Variants in RNF213 observed in about 807,000 individuals in gnomAD.
RNF213 encodes the protein ring finger protein 213.
In RNF213, 341 loss-of-function variants were observed where a neutral mutation model predicts 514.4. That is an observed-to-expected ratio of 0.66 (90% CI 0.61 to 0.73). The LOEUF (loss-of-function observed/expected upper bound fraction) is 0.73, where lower values mean the gene tolerates loss of function less well. RNF213 is among the 30% of genes least tolerant of loss of function. The pLI, the probability that RNF213 is intolerant of heterozygous loss-of-function variation, is 0.00. For missense variants in RNF213, 5,767 were observed against 6,615.6 expected (o/e 0.87, Z 4.45); for synonymous variants, 2,655 against 2,658.2 (o/e 1.00, Z 0.04).
rs189590003 is a variant in RNF213, at chr17:80,293,063, A to T, written c.1471+1236A>T. Among the ~76,000 whole-genome samples, 649 of 151,966 alleles carry T rather than the reference A, an allele frequency of 4.3e-3. 6 individuals are homozygous for T. The highest frequency in any genetic ancestry group is 0.014 in the African/African-American group (572 of 41,404). On this transcript the variant is annotated intron_variant, in intron 8 of 67. Transcript: ENST00000582970. ...TTTTCGTTTTTGTAAACATATATAT[A>T]TATTTTTTTTCTGAGACAGGATCTC... is the stretch of plus-strand genomic sequence containing the variant.
At chr17:80,375,935 A>C (rs956184664) in intron 51 of RNF213, 65 bp downstream of exon 51, 2 of 1,181,690 alleles carry the variant, frequency 1.7e-6, no homozygotes, top group Non-Finnish European at 2.5e-6. Context: ...ATTGAATAGA[A>C]TGAAAGTTAT....
intron 3 of RNF213, among the ~76,000 whole-genome samples, chr17:80,275,762 A>C (rs1357479826): frequency 2.0e-5 from 3 of 152,044 alleles, no homozygotes; most frequent in Admixed American, 2.0e-4. Flanking sequence ...TCCCAGGTTC[A>C]AGTGATTGTC....
intron 67 of RNF213, among the ~76,000 whole-genome samples, 167 bp downstream of exon 67, chr17:80,390,363 C>T (rs1193799843): frequency 6.6e-6 from 1 of 152,160 alleles, no homozygotes; most frequent in Non-Finnish European, 1.5e-5. Context: ...TTAATCTCTA[C>T]TGGGTTTTCT....
Position 80,263,810 on chromosome 17 carries a change from G to A in RNF213, c.97+32G>A, listed in dbSNP as rs770872622. The A allele has an allele frequency of 1.1e-5, 17 of 1,595,582 alleles. No homozygotes were observed. In the South Asian group the frequency reaches 1.4e-4, roughly 13 times the overall value. On this transcript the variant is annotated intron_variant, in intron 2 of 67. Coordinates refer to ENST00000582970, the MANE Select transcript of RNF213 (RefSeq NM_001256071.3). The surrounding 1 kb of genome is among the most constrained non-coding windows in gnomAD (Gnocchi z 4.9). Reference sequence around the variant, plus strand: ...CCCAGGGGTGCTGGTGGAGGCTGGGGCAGTGGGGACCCCTGGAGATGTCTC... The same window carrying A: ...CCCAGGGGTGCTGGTGGAGGCTGGGACAGTGGGGACCCCTGGAGATGTCTC...
At chr17:80,352,504 T>A in intron 32 of RNF213, 1 of 518,638 alleles carries the variant, frequency 1.9e-6, no homozygotes, top group Non-Finnish European at 3.4e-6. Flanking sequence ...CAAGGAATGG[T>A]CACCAGCTAT....
intron 14 of RNF213, 129 bp downstream of exon 14, chr17:80,309,300 G>A (rs2045483869): frequency 9.0e-6 from 10 of 1,108,938 alleles, no homozygotes; most frequent in African/African-American, 7.7e-5. Context: ...TTCAGCAGTG[G>A]ACATTTCTTG....
In RNF213 at chr17:80,379,674, G is replaced by A. The variant is rs1185034850; in HGVS notation, c.13600G>A (p.Gly4534Ser). 6.2e-7 allele frequency: 1 copy of A among 1,614,240 alleles called. No homozygotes were observed. Among genetic ancestry groups the A allele is most frequent in the Non-Finnish European group, 8.5e-7 (1 of 1,180,040 alleles). The change falls in exon 55 of 68, where the codon GGC becomes AGC. Residue 4534 changes from glycine to serine, a missense_variant. Gly to Ser is a moderately conservative substitution (Grantham distance 56). Around this residue, in one of 13 missense-constraint regions of RNF213, gnomAD observed 1,245 missense variants for 1,339.0 expected, o/e 0.93. Coordinates refer to ENST00000582970, the MANE Select transcript of RNF213 (RefSeq NM_001256071.3). ...ICIDCHAPIG[G>S]IDHKPRDGFH... Reference sequence around the variant, plus strand: ...CATTGACTGCCATGCGCCGATTGGAGGCATTGACCACAAACCTCGGGACGG... The same window carrying A: ...CATTGACTGCCATGCGCCGATTGGAAGCATTGACCACAAACCTCGGGACGG...
At chr17:80,352,221 A>C in intron 32 of RNF213, 1 of 196,788 alleles carries the variant, frequency 5.1e-6, no homozygotes, top group Non-Finnish European at 1.1e-5. Context: ...ACAGTCTGAA[A>C]TTAGAATATT....
chr17:80,340,140 C>T lies in RNF213; in HGVS notation c.5773C>T (p.Gln1925Ter), dbSNP rs1191336205. ...LCTQQHREDY[Q>*]LVMVCDGDWE... ...CACGCAGCAGCACCGAGAAGACTAC[C>T]AGCTCGTCATGGTCTGTGATGGGGA... Residue 1925 changes from glutamine (Q) to a stop codon, truncating the protein, a stop_gained, in exon 26 of 68, where the codon CAG (glutamine) becomes TAG (stop). Transcript: ENST00000582970. LOFTEE classifies it high-confidence loss of function. 1 of 1,613,982 alleles carries T rather than the reference C, an allele frequency of 6.2e-7. No homozygotes were observed. The highest frequency in any genetic ancestry group is 8.5e-7 in the Non-Finnish European group (1 of 1,179,986).
Position 80,332,362 on chromosome 17 carries a change from G to A in RNF213, c.3874G>A (p.Asp1292Asn). Residue 1292 changes from aspartate to asparagine, a missense_variant, in exon 21 of 68, where the codon GAT becomes AAT. Physicochemically the swap from Asp to Asn is conservative, Grantham distance 23. This residue lies in a region of RNF213 where 516 missense variants were observed against 566.5 expected (regional missense o/e 0.91). Transcript: ENST00000582970. Reference sequence around the variant, plus strand: ...CAGAAAGTTCATTAAGTTGCACCAGGATCTAAAGTCAGGAGAGGTCACCCT... The same window carrying A: ...CAGAAAGTTCATTAAGTTGCACCAGAATCTAAAGTCAGGAGAGGTCACCCT... ...SYRKFIKLHQ[D>N]LKSGEVTLAE... 2 of 1,537,150 alleles carry A rather than the reference G, an allele frequency of 1.3e-6. No individual in the cohort carries two copies. Among genetic ancestry groups the A allele is most frequent in the Non-Finnish European group, 1.7e-6 (2 of 1,146,922 alleles).
chr17:80,263,605 G>A lies in RNF213; in HGVS notation c.-77G>A, dbSNP rs999438692. On this transcript the variant is annotated 5_prime_UTR_variant, in exon 2 of 68. Transcript: ENST00000582970. The surrounding 1 kb of genome is among the most constrained non-coding windows in gnomAD (Gnocchi z 4.9). ...AAACTGAAGCCGTGGTCACGTGACA[G>A]GACATGTAGTATATAGCAGGCTGCC... 8.9e-7 allele frequency: 1 copy of A among 1,128,194 alleles called. No homozygotes were observed. Among genetic ancestry groups the A allele is most frequent in the African/African-American group, 1.5e-5 (1 of 65,638 alleles). The allele number at this position is 1,128,194 out of a possible 1,614,324, so 69.9% of individuals were successfully genotyped here.
At chr17:80,290,837 T>C in intron 7 of RNF213, 109 bp downstream of exon 7, 1 of 1,243,776 alleles carries the variant, frequency 8.0e-7, no homozygotes, top group South Asian at 1.3e-5. Context: ...TGAGACGGAG[T>C]CTTGCTGTGT....
At chr17:80,370,464 A>G in intron 46 of RNF213, among the ~76,000 whole-genome samples, 1 of 152,178 alleles carries the variant, frequency 6.6e-6, no homozygotes, top group East Asian at 1.9e-4. Flanking sequence ...AAACATGTTG[A>G]TACTTATGAT....
Position 80,346,158 on chromosome 17 carries a change from A to G in RNF213, c.7823A>G (p.Asp2608Gly). ...AGACTGGTTGAGTCCATCAGCCTAG[A>G]TGAAAACGGGACTCGCGTGATCACA... ...VQRLVESISL[D>G]ENGTRVITEV... The change falls in exon 29 of 68, where the codon GAT becomes GGT. Residue 2608 changes from aspartate (D) to glycine (G), a missense_variant. Coordinates refer to ENST00000582970, the MANE Select transcript of RNF213 (RefSeq NM_001256071.3). The surrounding 1 kb of genome is among the most constrained non-coding windows in gnomAD (Gnocchi z 8.1). The G allele has an allele frequency of 3.1e-6, 5 of 1,614,142 alleles. No homozygotes were observed. The highest frequency in any genetic ancestry group is 2.2e-5 in the East Asian group (1 of 44,884).
At chr17:80,374,190 G>A (rs1025462219) in intron 49 of RNF213, among the ~76,000 whole-genome samples, 2 of 152,190 alleles carry the variant, frequency 1.3e-5, no homozygotes, top group African/African-American at 4.8e-5. Context: ...GTGTGGTGCG[G>A]TGCGCCGCAA....
At chr17:80,307,258 C>T (rs1270819131) in intron 13 of RNF213, 57 bp downstream of exon 13, 3 of 1,503,380 alleles carry the variant, frequency 2.0e-6, no homozygotes, top group East Asian at 2.3e-5. Context: ...GGGGCTTCCT[C>T]TGACCCCTAT....
intron 67 of RNF213, 28 bp downstream of exon 67, chr17:80,390,224 G>A: frequency 1.9e-6 from 3 of 1,608,320 alleles, no homozygotes; most frequent in Non-Finnish European, 2.6e-6. Flanking sequence ...TATGGGGCGG[G>A]GCAGACACAA....
intron 17 of RNF213, among the ~76,000 whole-genome samples, chr17:80,323,967 A>G (rs566121428): frequency 4.6e-5 from 7 of 152,098 alleles, no homozygotes; most frequent in African/African-American, 4.8e-5. Flanking sequence ...TGGTAGCTCA[A>G]ATTGTGTGTG....
In RNF213 at chr17:80,358,274, C is replaced by T; in HGVS notation, c.10863-14C>T. On this transcript the variant is annotated splice_polypyrimidine_tract_variant and intron_variant, in intron 36 of 67. Coordinates refer to ENST00000582970, the MANE Select transcript of RNF213 (RefSeq NM_001256071.3). ...CTCTGACCCGTGGTGGCCCATCTCT[C>T]TTCTGTGCTGCAGGCACACCCTCTG... is the stretch of plus-strand genomic sequence containing the variant. The T allele has an allele frequency of 6.2e-7, 1 of 1,613,522 alleles. No homozygotes were observed. The highest frequency in any genetic ancestry group is 1.3e-5 in the African/African-American group (1 of 75,038).
Sources: gnomAD v4.1 joint callset for allele counts (sites outside exome capture counted in the v4.1 genomes callset) on GRCh38, gnomAD v4.1.1 for gene constraint, gnomAD v4.1.1 regional missense constraint, Gnocchi (gnomAD v3.1) non-coding constraint, MANE v1.5 for transcripts, NCBI Gene and HGNC (gene_info 2026-07-23, HGNC 2026-07-21) for gene names.